The following EEIG2 variants were observed in gnomAD, a reference collection of about 807,000 sequenced individuals.
The protein encoded by EEIG2 is family with sequence similarity 102 member B.
the EEIG2 span, among the ~76,000 whole-genome samples, chr1:108,615,801 A>AAAAT: frequency 6.6e-6 from 1 of 151,906 alleles, no homozygotes; most frequent in Non-Finnish European, 1.5e-5. Context: ...AAAAAAAAAA[A>AAAAT]AAAGTTTTAA....
chr1:108,632,215 T>C, the EEIG2 span, among the ~76,000 whole-genome samples: 1 of 152,048 alleles, frequency 6.6e-6, no homozygotes, highest in African/African-American at 2.4e-5. Context: ...CATGTCTCTT[T>C]GAGTCCAAAT....
the EEIG2 span, among the ~76,000 whole-genome samples, chr1:108,623,606 A>AAATAT: frequency 1.3e-5 from 2 of 152,266 alleles, no homozygotes; most frequent in African/African-American, 4.8e-5. Context: ...TATGCATTGC[A>AAATAT]TGCCTGTATC....
the EEIG2 span, among the ~76,000 whole-genome samples, chr1:108,585,673 G>A: frequency 6.6e-6 from 1 of 152,206 alleles, no homozygotes; most frequent in Admixed American, 6.6e-5. Context: ...TATATTAATA[G>A]TAGGCTGTGC....
At chr1:108,582,986 C>G in the EEIG2 span, among the ~76,000 whole-genome samples, 1 of 151,598 alleles carries the variant, frequency 6.6e-6, no homozygotes, top group African/African-American at 2.4e-5. Flanking sequence ...CCCACACACA[C>G]TTTCTCCTGA....
the EEIG2 span, among the ~76,000 whole-genome samples, chr1:108,567,174 ATTAAAAAATTCC>A: frequency 3.9e-5 from 6 of 152,124 alleles, no homozygotes; most frequent in Non-Finnish European, 8.8e-5. Context: ...AAATTTTTTA[ATTAAAAAATTCC>A]TTATACCCTG....
the EEIG2 span, chr1:108,627,252 C>T: frequency 2.0e-5 from 3 of 152,218 alleles, no homozygotes; most frequent in Admixed American, 6.5e-5. Context: ...TATACTCTGT[C>T]CAGAAATGAG....
chr1:108,638,935 A>C, the EEIG2 span: 1 of 152,204 alleles, frequency 6.6e-6, no homozygotes, highest in Admixed American at 6.5e-5. Context: ...AATTTACACA[A>C]TGTATTCTGC....
the EEIG2 span, among the ~76,000 whole-genome samples, chr1:108,612,649 T>C: frequency 5.9e-5 from 9 of 152,238 alleles, no homozygotes; most frequent in Non-Finnish European, 2.9e-5. Flanking sequence ...CTGCGATAGG[T>C]ACATAGAAGC....
chr1:108,584,442 A>G, the EEIG2 span, among the ~76,000 whole-genome samples: 1 of 152,184 alleles, frequency 6.6e-6, no homozygotes, highest in African/African-American at 2.4e-5. Context: ...GCTTACACCC[A>G]AGACTTATTT....
chr1:108,630,156 T>C, the EEIG2 span, among the ~76,000 whole-genome samples: 36 of 152,254 alleles, frequency 2.4e-4, no homozygotes, highest in South Asian at 6.8e-3. Context: ...TCTGATAATT[T>C]AGGAAGAGCA....
the EEIG2 span, among the ~76,000 whole-genome samples, chr1:108,631,480 A>G: frequency 6.6e-6 from 1 of 152,244 alleles, no homozygotes; most frequent in Non-Finnish European, 1.5e-5. Flanking sequence ...ATACTGTAAT[A>G]GAGGGAAGTT....
At chr1:108,625,822 G>GTGTGTGTGTGTGTT in the EEIG2 span, 16 of 31,704 alleles carry the variant, frequency 5.0e-4, no homozygotes, top group Admixed American at 8.7e-4. Flanking sequence ...GTGTGTGTGT[G>GTGTGTGTGTGTGTT]TGTGTGGAGA....
chr1:108,627,484 T>C, the EEIG2 span: 1 of 152,248 alleles, frequency 6.6e-6, no homozygotes, highest in Non-Finnish European at 1.5e-5. Context: ...GAAGCCTGGT[T>C]CTGAAAATAT....
At chr1:108,615,512 C>A in the EEIG2 span, among the ~76,000 whole-genome samples, 1 of 151,264 alleles carries the variant, frequency 6.6e-6, no homozygotes, top group African/African-American at 2.5e-5. Context: ...CAGTGACTCA[C>A]ACCTATAATC....
the EEIG2 span, among the ~76,000 whole-genome samples, chr1:108,564,777 TA>T: frequency 6.6e-6 from 1 of 151,826 alleles, no homozygotes; most frequent in African/African-American, 2.4e-5. Context: ...ACCCCATTTC[TA>T]CAAAAAACAT....
At chr1:108,569,910 C>T in the EEIG2 span, among the ~76,000 whole-genome samples, 3 of 152,202 alleles carry the variant, frequency 2.0e-5, no homozygotes, top group African/African-American at 7.2e-5. Flanking sequence ...AACATTACTA[C>T]ACATACTGTA....
At chr1:108,579,408 C>T in the EEIG2 span, among the ~76,000 whole-genome samples, 2 of 146,144 alleles carry the variant, frequency 1.4e-5, no homozygotes, top group Non-Finnish European at 3.0e-5. Flanking sequence ...AATATATATG[C>T]ACCCAATACA....
the EEIG2 span, among the ~76,000 whole-genome samples, chr1:108,579,768 T>TGAGAGAGAGAGAGAGAGAGA: frequency 0.019 from 275 of 14,278 alleles, 2 homozygotes; most frequent in Non-Finnish European, 0.036. Flanking sequence ...TGTGTGTGTG[T>TGAGAGAGAGAGAGAGAGAGA]GTGTGAGAGA....
chr1:108,584,825 T>C, the EEIG2 span, among the ~76,000 whole-genome samples: 1 of 152,160 alleles, frequency 6.6e-6, no homozygotes, highest in Admixed American at 6.6e-5. Flanking sequence ...ATATCTTATG[T>C]GGACAGTTCT....
Sources: allele counts gnomAD v4.1 joint callset (sites outside exome capture counted in the v4.1 genomes callset), GRCh38; gene constraint gnomAD v4.1.1; transcripts MANE v1.5; gene names NCBI Gene and HGNC (gene_info 2026-07-23, HGNC 2026-07-21).